The following CENPP variants were observed in gnomAD, a reference collection of about 807,000 sequenced individuals.
CENPP encodes the protein centromere protein P.
Under a neutral mutation model 35.6 loss-of-function variants are expected in CENPP, and 24 were observed. That is an observed-to-expected ratio of 0.67 (90% CI 0.49 to 0.95). The LOEUF (loss-of-function observed/expected upper bound fraction) is 0.95, where lower values mean the gene tolerates loss of function less well. Ranked by LOEUF, CENPP falls within the 40% of genes least tolerant of loss-of-function variation. The probability of loss-of-function intolerance (pLI) is 0.00; values close to 1 mark genes in which losing one functional copy is unlikely to be tolerated. For missense variants in CENPP, 332 were observed against 345.3 expected (o/e 0.96, Z 0.31); for synonymous variants, 120 against 125.5 (o/e 0.96, Z 0.29).
intron 5 of CENPP, among the ~76,000 whole-genome samples, chr9:92,392,578 C>G (rs1299427379): frequency 2.0e-5 from 3 of 151,308 alleles, no homozygotes; most frequent in Non-Finnish European, 1.5e-5. Context: ...TCACGCCACT[C>G]TACTCCAGCC....
chr9:92,422,446 C>T (rs1388903792), intron 5 of CENPP, among the ~76,000 whole-genome samples: 4 of 152,098 alleles, frequency 2.6e-5, no homozygotes, highest in Admixed American at 2.6e-4. Context: ...TGTTGTTCAA[C>T]AACTATGAAA....
chr9:92,573,940 C>A (rs1223567642), intron 5 of CENPP, among the ~76,000 whole-genome samples: 1 of 152,168 alleles, frequency 6.6e-6, no homozygotes, highest in Non-Finnish European at 1.5e-5. Context: ...TTGCTAAGAC[C>A]GTTGGAAAAG....
intron 5 of CENPP, among the ~76,000 whole-genome samples, chr9:92,518,325 A>G (rs11788511): frequency 0.11 from 17,479 of 152,230 alleles, 1,097 homozygotes; most frequent in Middle Eastern, 0.15. Flanking sequence ...CAAATCACAC[A>G]TGAGCTCTTA....
chr9:92,496,456 A>C, intron 5 of CENPP: 2 of 1,609,066 alleles, frequency 1.2e-6, no homozygotes, highest in Non-Finnish European at 1.7e-6. Context: ...CCTCTTCAGC[A>C]TTGCAAATTT....
At chr9:92,562,043 C>T (rs1849858953) in intron 5 of CENPP, among the ~76,000 whole-genome samples, 1 of 152,102 alleles carries the variant, frequency 6.6e-6, no homozygotes, top group South Asian at 2.1e-4. Flanking sequence ...TATTCAGAAG[C>T]CTTTAAGACA....
In CENPP at chr9:92,620,431, ACT is replaced by A. The variant is rs143866989; in HGVS notation, c.*7288_*7289del. ...TCCTCTACAGAGCAGAATGTGAGGC[ACT>A]CTCTCCTCTTCCTTCTTTGGACTTT... On this transcript the variant is annotated 3_prime_UTR_variant, in exon 8 of 8. Coordinates refer to ENST00000375587, the MANE Select transcript of CENPP (RefSeq NM_001012267.3). The A allele has an allele frequency of 2.6e-5, 4 of 151,980 alleles. No homozygotes were observed. Among genetic ancestry groups the A allele is most frequent in the African/African-American group, 4.8e-5 (2 of 41,346 alleles). 9.4% of individuals were successfully genotyped at this position (151,980 alleles called of 1,614,324 possible). A position where few individuals can be genotyped will look rare whatever the true frequency, so the allele number is the denominator to read the frequency against.
At chr9:92,403,386 G>A (rs764361445) in intron 5 of CENPP, 3 of 1,612,324 alleles carry the variant, frequency 1.9e-6, no homozygotes, top group East Asian at 2.2e-5. Flanking sequence ...AACAGGAGAA[G>A]TGTAGACTGC....
At chr9:92,546,141 T>C (rs1849438421) in intron 5 of CENPP, among the ~76,000 whole-genome samples, 1 of 152,144 alleles carries the variant, frequency 6.6e-6, no homozygotes, top group African/African-American at 2.4e-5. Context: ...AGTGGGGACT[T>C]GGAGAACTTC....
In CENPP at chr9:92,359,182, CA is replaced by C. The variant is rs764638721; in HGVS notation, c.467+13396del. On this transcript the variant is annotated intron_variant, in intron 4 of 7. Coordinates refer to ENST00000375587, the MANE Select transcript of CENPP (RefSeq NM_001012267.3). Reference sequence around the variant, plus strand: ...CAGGCTGGTCTTGAACTCCCGGCCTCAGGTGATCCGCCTGCCTTGGCCTTTC... The same window carrying C: ...CAGGCTGGTCTTGAACTCCCGGCCTCGGTGATCCGCCTGCCTTGGCCTTTC... Among the ~76,000 whole-genome samples, 18 of 152,056 alleles carry C rather than the reference CA, an allele frequency of 1.2e-4. No homozygotes were observed. The East Asian group carries it at 2.7e-3, about 23-fold the overall frequency.
At chr9:92,500,357 A>G (rs1846595957) in intron 5 of CENPP, among the ~76,000 whole-genome samples, 1 of 152,096 alleles carries the variant, frequency 6.6e-6, no homozygotes, top group Non-Finnish European at 1.5e-5. Context: ...TAAGTTTTGT[A>G]TTTTTAGTAG....
chr9:92,562,391 A>T (rs1296420668), intron 5 of CENPP, among the ~76,000 whole-genome samples: 1 of 151,748 alleles, frequency 6.6e-6, no homozygotes, highest in East Asian at 1.9e-4. Context: ...TTTTTAGTAG[A>T]GACAGGGTTT....
At chr9:92,369,812 G>A (rs1301536158) in intron 4 of CENPP, among the ~76,000 whole-genome samples, 1 of 152,196 alleles carries the variant, frequency 6.6e-6, no homozygotes, top group East Asian at 1.9e-4. Context: ...CAATTGGGAT[G>A]CCTTTTATTT....
chr9:92,425,667 C>A (rs1236741239), intron 5 of CENPP, among the ~76,000 whole-genome samples: 1 of 152,140 alleles, frequency 6.6e-6, no homozygotes, highest in African/African-American at 2.4e-5. Context: ...TTTTGTTAAA[C>A]TTTGCATTAA....
chr9:92,414,961 T>C, intron 5 of CENPP: 1 of 391,696 alleles, frequency 2.6e-6, no homozygotes, highest in Non-Finnish European at 4.5e-6. Flanking sequence ...TTTTTAAAGA[T>C]TTACATTATT....
At chr9:92,605,238 C>G (rs13285001) in intron 5 of CENPP, among the ~76,000 whole-genome samples, 1 of 152,218 alleles carries the variant, frequency 6.6e-6, no homozygotes, top group Admixed American at 6.5e-5. Context: ...ATCCACCTGC[C>G]TTGGCCGCCC....
intron 5 of CENPP, among the ~76,000 whole-genome samples, chr9:92,542,701 G>A (rs376419346): frequency 6.6e-6 from 1 of 152,130 alleles, no homozygotes; most frequent in Admixed American, 6.5e-5. Context: ...TATTTTAGTA[G>A]AGACAAGGTT....
chr9:92,478,691 G>T (rs184456569), intron 5 of CENPP, among the ~76,000 whole-genome samples: 2 of 152,026 alleles, frequency 1.3e-5, no homozygotes, highest in African/African-American at 2.4e-5. Flanking sequence ...GACCTTAAGC[G>T]ATCCACCCAT....
chr9:92,537,104 G>T (rs2131302743), intron 5 of CENPP, among the ~76,000 whole-genome samples: 1 of 151,524 alleles, frequency 6.6e-6, no homozygotes, highest in East Asian at 2.0e-4. Context: ...TCGAACTCTT[G>T]ACCTCATGTG....
chr9:92,602,737 G>A (rs548725012), intron 5 of CENPP, among the ~76,000 whole-genome samples: 3 of 152,300 alleles, frequency 2.0e-5, no homozygotes, highest in African/African-American at 7.2e-5. Flanking sequence ...TCAGCATGGC[G>A]CAACACAGAG....
Sources: allele counts gnomAD v4.1 joint callset (sites outside exome capture counted in the v4.1 genomes callset), GRCh38; gene constraint gnomAD v4.1.1; transcripts MANE v1.5; gene names NCBI Gene and HGNC (gene_info 2026-07-23, HGNC 2026-07-21).